KIF26B: variants seen among roughly 807,000 people sequenced by gnomAD.
KIF26B encodes kinesin family member 26B.
KIF26B carries 63 observed loss-of-function variants against 151.2 expected under a neutral mutation model. That is an observed-to-expected ratio of 0.42 (90% confidence interval 0.34 to 0.51). KIF26B has a LOEUF of 0.51. KIF26B is among the 20% of genes least tolerant of loss of function. The pLI is 0.07. For synonymous variants in KIF26B, 1,357 were observed against 1,262.1 expected (o/e 1.08, Z -1.59); for missense variants, 2,813 against 2,913.6 (o/e 0.97, Z 0.79).
rs2044872727 is a variant in KIF26B, at chr1:245,708,818, TG to T, written c.*6213del. 1 of 152,196 alleles carries T rather than the reference TG, an allele frequency of 6.6e-6. No individual in the cohort carries two copies. The highest frequency in any genetic ancestry group is 2.4e-5 in the African/African-American group (1 of 41,440). 9.4% of individuals were successfully genotyped at this position (152,196 alleles called of 1,614,324 possible). On this transcript the variant is annotated 3_prime_UTR_variant, in exon 15 of 15. Transcript: ENST00000407071. The stretch of plus-strand genomic sequence containing the variant: ...GGATCTCTAATTCCATGATTAGTAA[TG>T]TATGTATGTGTATATAAATATGCTT...
chr1:245,197,430 A>G (rs1397924099), intron 2 of KIF26B, among the ~76,000 whole-genome samples: 1 of 152,138 alleles, frequency 6.6e-6, no homozygotes, highest in African/African-American at 2.4e-5. Flanking sequence ...AGCACTTTGA[A>G]GAGGACAGTG....
intron 2 of KIF26B, among the ~76,000 whole-genome samples, chr1:245,190,634 G>GTTTTTTTTTTTT (rs149338802): frequency 1.9e-5 from 2 of 106,850 alleles, no homozygotes; most frequent in African/African-American, 3.0e-5. Flanking sequence ...TGAATGTTTT[G>GTTTTTTTTTTTT]TTTTGTTTTT....
intron 3 of KIF26B, among the ~76,000 whole-genome samples, chr1:245,397,141 G>A (rs563078197): frequency 1.3e-5 from 2 of 151,538 alleles, no homozygotes; most frequent in East Asian, 3.9e-4. Flanking sequence ...TGTATTTTTT[G>A]TACAGATAGG....
At chr1:245,590,956 T>C (rs1216152411) in intron 5 of KIF26B, among the ~76,000 whole-genome samples, 3 of 149,586 alleles carry the variant, frequency 2.0e-5, no homozygotes, top group Non-Finnish European at 4.4e-5. Flanking sequence ...GCAAGTGTGG[T>C]GTCTGTCTCA....
At chr1:245,449,254 C>T (rs981654664) in intron 4 of KIF26B, among the ~76,000 whole-genome samples, 2 of 152,090 alleles carry the variant, frequency 1.3e-5, no homozygotes, top group Admixed American at 6.6e-5. Context: ...AAGTGATTTG[C>T]GTAGGCTGAG....
In KIF26B at chr1:245,366,818, C is replaced by G; in HGVS notation, c.466-16C>G. ...AGTTATAGAATCTCCTCTCCCTCTG[C>G]TTCTGTGTTCTGTAGGACCCTGCTT... is the stretch of plus-strand genomic sequence containing the variant. On this transcript the variant is annotated splice_polypyrimidine_tract_variant and intron_variant, in intron 2 of 14. Coordinates refer to ENST00000407071, the MANE Select transcript of KIF26B (RefSeq NM_018012.4). The G allele has an allele frequency of 6.2e-7, 1 of 1,610,796 alleles. No individual in the cohort carries two copies. The highest frequency in any genetic ancestry group is 8.5e-7 in the Non-Finnish European group (1 of 1,177,410).
chr1:245,510,660 CCCCT>C (rs924075904), intron 4 of KIF26B, among the ~76,000 whole-genome samples: 8 of 149,786 alleles, frequency 5.3e-5, no homozygotes, highest in Non-Finnish European at 1.2e-4. Context: ...CCTGCCTCTG[CCCCT>C]CCCTCCCTCC....
At chr1:245,340,555 G>T (rs576102315) in intron 2 of KIF26B, among the ~76,000 whole-genome samples, 1 of 152,128 alleles carries the variant, frequency 6.6e-6, no homozygotes, top group African/African-American at 2.4e-5. Context: ...AGTGGCCCTG[G>T]GCAAAGTGAC....
intron 8 of KIF26B, among the ~76,000 whole-genome samples, chr1:245,610,200 G>A (rs575938702): frequency 1.3e-5 from 2 of 152,256 alleles, no homozygotes; most frequent in South Asian, 4.2e-4. Flanking sequence ...TTTGTAGATA[G>A]GTGTTCCGTT....
rs1558239120 is a variant in KIF26B at position 245,618,979 on chromosome 1, A to AGCG, written c.2098+7003_2098+7004insGCG. 9.5e-3 allele frequency among the ~76,000 whole-genome samples: 1,188 copies of AGCG among 124,976 alleles called. 65 individuals are homozygous for AGCG. Among genetic ancestry groups the AGCG allele is most frequent in the African/African-American group, 0.036 (1,106 of 30,890 alleles). 82.0% of individuals were successfully genotyped at this position (124,976 alleles called of 152,430 possible). A position where few individuals can be genotyped will look rare whatever the true frequency, so the allele number is the denominator to read the frequency against. On this transcript the variant is annotated intron_variant, in intron 9 of 14. Coordinates refer to ENST00000407071, the MANE Select transcript of KIF26B (RefSeq NM_018012.4). ...ACAGTCCTGGGGCTGTGTCCACTGC[A>AGCG]TCAGTGTCCAAGCCCTATTAGACTA... is the stretch of plus-strand genomic sequence containing the variant.
chr1:245,642,392 G>A (rs893352098), intron 9 of KIF26B, among the ~76,000 whole-genome samples: 1 of 151,850 alleles, frequency 6.6e-6, no homozygotes, highest in Non-Finnish European at 1.5e-5. Context: ...AGCCAAGACT[G>A]GGCCTCCTCA....
At chr1:245,532,905 C>T (rs904257174) in intron 4 of KIF26B, among the ~76,000 whole-genome samples, 6 of 152,132 alleles carry the variant, frequency 3.9e-5, no homozygotes, top group Admixed American at 6.5e-5. Context: ...GAATGACTAG[C>T]GTGCTTCTTG....
At chr1:245,489,846 C>A (rs1660363908) in intron 4 of KIF26B, among the ~76,000 whole-genome samples, 1 of 152,172 alleles carries the variant, frequency 6.6e-6, no homozygotes, top group African/African-American at 2.4e-5. Context: ...TTACAGTGTG[C>A]TTGGAACTTT....
chr1:245,246,112 A>AAG (rs59243158), intron 2 of KIF26B, among the ~76,000 whole-genome samples: 120,198 of 148,370 alleles, frequency 0.81, 49,061 homozygotes, highest in South Asian at 0.87. Context: ...AAAAAAAAAA[A>AAG]AAAGAAAGGT....
chr1:245,164,383 T>C (rs1668581658), intron 2 of KIF26B, among the ~76,000 whole-genome samples: 1 of 152,272 alleles, frequency 6.6e-6, no homozygotes, highest in Non-Finnish European at 1.5e-5. Flanking sequence ...TTGATATTCA[T>C]ATGCCAATGA....
At chr1:245,390,056 T>C (rs1490151064) in intron 3 of KIF26B, among the ~76,000 whole-genome samples, 1 of 152,176 alleles carries the variant, frequency 6.6e-6, no homozygotes, top group Non-Finnish European at 1.5e-5. Context: ...ACATTTGCTC[T>C]AATGGCGCAA....
At chr1:245,586,612 G>A (rs6428937) in intron 5 of KIF26B, among the ~76,000 whole-genome samples, 13,452 of 152,090 alleles carry the variant, frequency 0.088, 899 homozygotes, top group African/African-American at 0.18. Flanking sequence ...GGCCGGGCGC[G>A]GTGGCTCACG....
intron 3 of KIF26B, among the ~76,000 whole-genome samples, chr1:245,413,908 A>G (rs1480402338): frequency 1.3e-5 from 2 of 152,152 alleles, no homozygotes; most frequent in African/African-American, 4.8e-5. Flanking sequence ...TCCTCCTACT[A>G]GCTGATTTCC....
chr1:245,688,249 C>A lies in KIF26B; in HGVS notation c.5266C>A (p.Leu1756Ile). Residue 1756 changes from leucine to isoleucine, a missense_variant, in exon 12 of 15, where the codon CTC becomes ATC. Leu to Ile is a conservative substitution (Grantham distance 5). Transcript: ENST00000407071. ...RGPSASTTKT[L>I]SFSTKSLPQA... ...CCCGTCCGCCTCCACCACCAAAACC[C>A]TCAGCTTCTCCACCAAGTCCCTGCC... The A allele has an allele frequency of 6.3e-7, 1 of 1,593,796 alleles. No homozygotes were observed.
Sources: allele counts gnomAD v4.1 joint callset (sites outside exome capture counted in the v4.1 genomes callset), GRCh38; gene constraint gnomAD v4.1.1; transcripts MANE v1.5; gene names NCBI Gene and HGNC (gene_info 2026-07-23, HGNC 2026-07-21).